The following KCND2 variants were observed in gnomAD, a reference collection of about 807,000 sequenced individuals.
KCND2 encodes A-type voltage-gated potassium channel KCND2.
A neutral mutation model predicts 54.4 loss-of-function variants in KCND2; 16 were observed. The observed-to-expected ratio is 0.29, with a 90% CI of 0.20 to 0.45. The LOEUF (loss-of-function observed/expected upper bound fraction) is 0.45. Among genes scored for constraint, KCND2 ranks in the 20% least tolerant of loss-of-function variants. The pLI, the probability that KCND2 is intolerant of heterozygous loss-of-function variation, is 1.00. For synonymous variants in KCND2, 317 were observed against 310.7 expected (o/e 1.02, Z -0.21); for missense variants, 486 against 824.2 (o/e 0.59, Z 5.02).
At chr7:120,272,969 C>T (rs998668283), upstream of KCND2, among the ~76,000 whole-genome samples, 2 of 152,034 alleles carry the variant, frequency 1.3e-5, no homozygotes, top group African/African-American at 4.8e-5. Flanking sequence ...TTTCTCCTCT[C>T]CTCCACCAAA....
intron 1 of KCND2, among the ~76,000 whole-genome samples, chr7:120,708,791 C>G (rs966013859): frequency 1.3e-5 from 2 of 152,034 alleles, no homozygotes; most frequent in Non-Finnish European, 2.9e-5. Flanking sequence ...GGTCTTTTTT[C>G]ATAGCACATA....
At chr7:120,641,148 C>G (rs1208631129) in intron 1 of KCND2, among the ~76,000 whole-genome samples, 1 of 152,140 alleles carries the variant, frequency 6.6e-6, no homozygotes, top group Non-Finnish European at 1.5e-5. Context: ...TATAAGTCCT[C>G]AAAGTTTCAC....
At chr7:120,628,675 A>G (rs556165480) in intron 1 of KCND2, among the ~76,000 whole-genome samples, 1 of 152,202 alleles carries the variant, frequency 6.6e-6, no homozygotes, top group Non-Finnish European at 1.5e-5. Context: ...TAGGGTAGAA[A>G]GTTCTTTCCC....
intron 1 of KCND2, among the ~76,000 whole-genome samples, chr7:120,708,254 A>G (rs1792494821): frequency 6.6e-6 from 1 of 152,128 alleles, no homozygotes; most frequent in African/African-American, 2.4e-5. Context: ...ACATAACTCA[A>G]TCAGGTGACA....
chr7:120,629,865 A>G (rs1257655991), intron 1 of KCND2, among the ~76,000 whole-genome samples: 1 of 152,200 alleles, frequency 6.6e-6, no homozygotes, highest in African/African-American at 2.4e-5. Flanking sequence ...ATTGGAACAA[A>G]TAAGTGGAAA....
intron 1 of KCND2, among the ~76,000 whole-genome samples, chr7:120,693,106 T>G (rs1263355896): frequency 1.3e-5 from 2 of 152,222 alleles, no homozygotes; most frequent in Non-Finnish European, 2.9e-5. Context: ...TTCCTGATTC[T>G]AGGAATTTCA....
chr7:120,402,873 A>G (rs1012742398), intron 1 of KCND2, among the ~76,000 whole-genome samples: 2 of 152,340 alleles, frequency 1.3e-5, no homozygotes, highest in Middle Eastern at 3.4e-3. Flanking sequence ...ATCTTCTTTT[A>G]AAATCTCCTT....
intron 1 of KCND2, among the ~76,000 whole-genome samples, chr7:120,279,662 A>G (rs936970277): frequency 4.6e-5 from 7 of 151,926 alleles, no homozygotes; most frequent in African/African-American, 7.2e-5. Flanking sequence ...CCATATTTCA[A>G]TTTTTGTGCG....
intron 1 of KCND2, among the ~76,000 whole-genome samples, chr7:120,425,088 C>T (rs185116001): frequency 2.6e-4 from 40 of 152,258 alleles, no homozygotes; most frequent in African/African-American, 8.2e-4. Context: ...ATGCATAATT[C>T]GTTTACTTTG....
intron 1 of KCND2, among the ~76,000 whole-genome samples, chr7:120,289,287 T>G (rs1482095187): frequency 6.6e-6 from 1 of 151,970 alleles, no homozygotes; most frequent in Non-Finnish European, 1.5e-5. Flanking sequence ...ACATTTCAAT[T>G]CTCATTGGCA....
At chr7:120,295,437 C>T (rs1272651406) in intron 1 of KCND2, among the ~76,000 whole-genome samples, 1 of 150,584 alleles carries the variant, frequency 6.6e-6, no homozygotes, top group Non-Finnish European at 1.5e-5. Flanking sequence ...TTCTACATTA[C>T]AGTGCAAAGA....
chr7:120,485,449 C>T (rs1802679603), intron 1 of KCND2, among the ~76,000 whole-genome samples: 2 of 152,220 alleles, frequency 1.3e-5, no homozygotes, highest in African/African-American at 4.8e-5. Flanking sequence ...AATACAATTC[C>T]TACTCTGCAG....
intron 1 of KCND2, among the ~76,000 whole-genome samples, chr7:120,600,937 T>C (rs1792806085): frequency 6.6e-6 from 1 of 152,126 alleles, no homozygotes; most frequent in Non-Finnish European, 1.5e-5. Flanking sequence ...TTCCTAATTT[T>C]TATTTATTCC....
At chr7:120,442,882 T>C (rs1163960368) in intron 1 of KCND2, among the ~76,000 whole-genome samples, 1 of 152,106 alleles carries the variant, frequency 6.6e-6, no homozygotes, top group Non-Finnish European at 1.5e-5. Flanking sequence ...TAAAAGTAAA[T>C]TAAATTTAAA....
chr7:120,747,192 A>G (rs1793017892), intron 5 of KCND2, among the ~76,000 whole-genome samples: 1 of 152,090 alleles, frequency 6.6e-6, no homozygotes. Context: ...AGTAATAGAT[A>G]ATTTTTTTAT....
chr7:120,338,021 A>G (rs1563014238), intron 1 of KCND2, among the ~76,000 whole-genome samples: 1 of 152,256 alleles, frequency 6.6e-6, no homozygotes, highest in East Asian at 1.9e-4. Context: ...TAAATATAAC[A>G]TCTTTACACA....
chr7:120,351,039 G>T (rs897337292), intron 1 of KCND2, among the ~76,000 whole-genome samples: 8 of 151,306 alleles, frequency 5.3e-5, no homozygotes, highest in Non-Finnish European at 8.8e-5. Flanking sequence ...AATCAAGTGG[G>T]TTTTTTTGGT....
At chr7:120,468,471 CCA>C (rs1802410180) in intron 1 of KCND2, among the ~76,000 whole-genome samples, 2 of 152,006 alleles carry the variant, frequency 1.3e-5, no homozygotes. Flanking sequence ...GTGGCATTCC[CCA>C]GACAGTATGG....
At chr7:120,684,242 A>T (rs1792174201) in intron 1 of KCND2, among the ~76,000 whole-genome samples, 1 of 152,148 alleles carries the variant, frequency 6.6e-6, no homozygotes, top group Admixed American at 6.6e-5. Flanking sequence ...CACGTTTGCT[A>T]AAATACATTT....
Sources: allele counts gnomAD v4.1 joint callset (sites outside exome capture counted in the v4.1 genomes callset), GRCh38; gene constraint gnomAD v4.1.1; transcripts MANE v1.5; gene names NCBI Gene and HGNC (gene_info 2026-07-23, HGNC 2026-07-21).